The following MITF variants were observed in gnomAD, a reference collection of about 807,000 sequenced individuals.
The protein encoded by MITF is microphthalmia-associated transcription factor.
Under a neutral mutation model 60.5 loss-of-function variants are expected in MITF, and 17 were observed. The ratio of observed to expected loss-of-function variants is 0.28; its 90% confidence interval spans 0.19 to 0.42. The LOEUF (loss-of-function observed/expected upper bound fraction) is 0.42. MITF is among the 10% of genes least tolerant of loss of function. The probability of loss-of-function intolerance (pLI) is 1.00; values close to 1 mark genes in which losing one functional copy is unlikely to be tolerated. For synonymous variants in MITF, 260 were observed against 248.5 expected (o/e 1.05, Z -0.43); for missense variants, 622 against 683.5 (o/e 0.91, Z 1.00).
At chr3:69,937,481 C>G (rs770045542) in intron 2 of MITF, among the ~76,000 whole-genome samples, 4 of 151,432 alleles carry the variant, frequency 2.6e-5, no homozygotes, top group Non-Finnish European at 5.9e-5. Context: ...GTTGTTTGAT[C>G]TTAATAAACC....
chr3:69,959,459 C>A (rs2107538412), intron 9 of MITF, 39 bp downstream of exon 9: 1 of 1,612,310 alleles, frequency 6.2e-7, no homozygotes, highest in Non-Finnish European at 8.5e-7. Flanking sequence ...CTGCTTTTTA[C>A]CGACTTCAAG....
At chr3:69,880,922 T>G (rs908828076) in intron 2 of MITF, among the ~76,000 whole-genome samples, 1 of 152,040 alleles carries the variant, frequency 6.6e-6, no homozygotes, top group Non-Finnish European at 1.5e-5. Flanking sequence ...GAAGGTAATG[T>G]TAAAGAATTT....
chr3:69,941,500 T>G lies in MITF; in HGVS notation c.762+169T>G, dbSNP rs534248568. On this transcript the variant is annotated intron_variant, in intron 5 of 9. Transcript: ENST00000352241. ...AAATAAGTGACTTTAACATCAGAAA[T>G]TAAGAAGTTTTTATGAGTTTATGAA... 2.0e-5 allele frequency among the ~76,000 whole-genome samples: 3 copies of G among 152,286 alleles called. 1 individual carries two copies. In the South Asian group the frequency reaches 6.2e-4, roughly 32 times the overall value.
chr3:69,845,009 A>T (rs1288079741), intron 1 of MITF, among the ~76,000 whole-genome samples: 1 of 152,168 alleles, frequency 6.6e-6, no homozygotes, highest in African/African-American at 2.4e-5. Context: ...TAGATGTTTA[A>T]CTGTAAACCC....
At chr3:69,964,101 C>T (rs2066623726) in intron 9 of MITF, among the ~76,000 whole-genome samples, 1 of 151,460 alleles carries the variant, frequency 6.6e-6, no homozygotes, top group Admixed American at 6.6e-5. Context: ...CTCAGCCTCC[C>T]AAGTAGCTGG....
At chr3:69,834,031 A>T (rs936118335) in intron 1 of MITF, among the ~76,000 whole-genome samples, 1 of 152,180 alleles carries the variant, frequency 6.6e-6, no homozygotes, top group African/African-American at 2.4e-5. Flanking sequence ...ATTTATTTTT[A>T]AAATGGACAC....
At chr3:69,933,777 A>G (rs1052225264) in intron 2 of MITF, among the ~76,000 whole-genome samples, 1 of 152,166 alleles carries the variant, frequency 6.6e-6, no homozygotes, top group Non-Finnish European at 1.5e-5. Flanking sequence ...AAAACATGCA[A>G]ACATTATCAG....
intron 1 of MITF, among the ~76,000 whole-genome samples, chr3:69,796,043 A>G (rs7626717): frequency 0.35 from 52,708 of 151,482 alleles, 9,923 homozygotes; most frequent in Non-Finnish European, 0.42. Context: ...GAGCAGTGGC[A>G]CAATCTTGAC....
At chr3:69,858,862 C>T (rs2063963893) in intron 1 of MITF, among the ~76,000 whole-genome samples, 1 of 152,132 alleles carries the variant, frequency 6.6e-6, no homozygotes, top group Admixed American at 6.5e-5. Context: ...TTCTTTGAGG[C>T]TCTAAGGGCT....
At chr3:69,762,463 G>A (rs2062226320) in intron 1 of MITF, among the ~76,000 whole-genome samples, 1 of 152,208 alleles carries the variant, frequency 6.6e-6, no homozygotes, top group African/African-American at 2.4e-5. Context: ...ACTACCACAA[G>A]AAATGTTTAA....
At chr3:69,949,913 G>C (rs927888846) in intron 6 of MITF, among the ~76,000 whole-genome samples, 10 of 152,108 alleles carry the variant, frequency 6.6e-5, no homozygotes, top group Admixed American at 2.0e-4. Flanking sequence ...TGGATGAACA[G>C]ACTGAGAATA....
chr3:69,941,691 A>C (rs1435594542), intron 5 of MITF, among the ~76,000 whole-genome samples: 3 of 152,104 alleles, frequency 2.0e-5, no homozygotes, highest in African/African-American at 7.2e-5. Flanking sequence ...GGCCTGAAAA[A>C]GTTGGTTCAG....
In MITF at chr3:69,965,274, A is replaced by C; in HGVS notation, c.*26A>C. 6.2e-7 allele frequency: 1 copy of C among 1,606,724 alleles called. No homozygotes were observed. The highest frequency in any genetic ancestry group is 8.5e-7 in the Non-Finnish European group (1 of 1,173,936). The stretch of plus-strand genomic sequence containing the variant: ...CGAATCCTCCCTGCACTGCATTCGC[A>C]CAAACTGCTTCCTTTCTTGATTCGT... On this transcript the variant is annotated 3_prime_UTR_variant, in exon 10 of 10. Coordinates refer to ENST00000352241, the MANE Select transcript of MITF (RefSeq NM_001354604.2).
At chr3:69,843,552 G>A (rs544580765) in intron 1 of MITF, among the ~76,000 whole-genome samples, 6 of 152,244 alleles carry the variant, frequency 3.9e-5, no homozygotes, top group African/African-American at 1.4e-4. Flanking sequence ...TGTCTGTCTT[G>A]TGGGTGTTAC....
chr3:69,770,617 C>G (rs1172380067), intron 1 of MITF, among the ~76,000 whole-genome samples: 1 of 152,168 alleles, frequency 6.6e-6, no homozygotes, highest in Non-Finnish European at 1.5e-5. Context: ...TGTGTATTGA[C>G]TGTGCAAAAG....
intron 1 of MITF, among the ~76,000 whole-genome samples, chr3:69,748,695 C>T (rs1224567500): frequency 2.0e-5 from 3 of 152,214 alleles, no homozygotes; most frequent in Non-Finnish European, 2.9e-5. Context: ...TGGTCTTCAC[C>T]CTCCCCACCC....
chr3:69,844,867 T>C (rs1486005553), intron 1 of MITF, among the ~76,000 whole-genome samples: 1 of 152,016 alleles, frequency 6.6e-6, no homozygotes. Context: ...TACTGAAAAA[T>C]CAGATCTGGT....
At chr3:69,948,790 A>C (rs2066165154) in intron 5 of MITF, among the ~76,000 whole-genome samples, 1 of 152,116 alleles carries the variant, frequency 6.6e-6, no homozygotes, top group African/African-American at 2.4e-5. Context: ...AAATAAACTG[A>C]CTGGCTAGTT....
chr3:69,774,116 T>A (rs1394026975), intron 1 of MITF, among the ~76,000 whole-genome samples: 2 of 152,334 alleles, frequency 1.3e-5, no homozygotes, highest in Middle Eastern at 3.4e-3. Context: ...TATTCAGGTA[T>A]GTCTTCATAC....
Sources: allele counts gnomAD v4.1 joint callset (sites outside exome capture counted in the v4.1 genomes callset), GRCh38; gene constraint gnomAD v4.1.1; transcripts MANE v1.5; gene names NCBI Gene and HGNC (gene_info 2026-07-23, HGNC 2026-07-21).